Variants in PDLIM5 observed in about 807,000 individuals in gnomAD.
PDLIM5 encodes PDZ and LIM domain 5, also known as PDZ and LIM domain protein 5.
PDLIM5 carries 34 observed loss-of-function variants against 64.2 expected under a neutral mutation model. The observed-to-expected ratio is 0.53, with a 90% CI of 0.40 to 0.71. The LOEUF (loss-of-function observed/expected upper bound fraction) is 0.71. PDLIM5 is among the 30% of genes least tolerant of loss of function. PDLIM5 has a pLI of 0.00. For synonymous variants in PDLIM5, 253 were observed against 269.1 expected (o/e 0.94, Z 0.59); for missense variants, 683 against 733.6 (o/e 0.93, Z 0.80).
At chr4:94,657,747 C>T (rs1742321587) in intron 11 of PDLIM5, among the ~76,000 whole-genome samples, 200 bp downstream of exon 11, 1 of 151,890 alleles carries the variant, frequency 6.6e-6, no homozygotes, top group South Asian at 2.1e-4. Flanking sequence ...ACCCTTGTTG[C>T]CCAGACTGCA....
At chr4:94,609,782 A>G (rs1738217193) in intron 7 of PDLIM5, among the ~76,000 whole-genome samples, 1 of 152,128 alleles carries the variant, frequency 6.6e-6, no homozygotes, top group Admixed American at 6.5e-5. Flanking sequence ...GGAAAAAACA[A>G]TTTTCCTTCT....
At chr4:94,640,568 C>A in intron 9 of PDLIM5, 118 bp downstream of exon 9, 1 of 596,792 alleles carries the variant, frequency 1.7e-6, no homozygotes, top group South Asian at 2.4e-5. Flanking sequence ...TGCCATAATC[C>A]TATAGAGTAC....
intron 2 of PDLIM5, among the ~76,000 whole-genome samples, chr4:94,482,581 G>C (rs1286858805): frequency 6.6e-6 from 1 of 152,078 alleles, no homozygotes; most frequent in Admixed American, 6.6e-5. Flanking sequence ...CCTGGTAATT[G>C]TGGTATGGAT....
chr4:94,577,496 A>G (rs1735382422), intron 5 of PDLIM5: 2 of 357,818 alleles, frequency 5.6e-6, no homozygotes, highest in African/African-American at 4.3e-5. Flanking sequence ...GAGGAAAACT[A>G]GTATCCTTCA....
intron 2 of PDLIM5, among the ~76,000 whole-genome samples, chr4:94,479,062 G>A (rs923919462): frequency 6.0e-5 from 9 of 150,158 alleles, no homozygotes; most frequent in African/African-American, 2.2e-4. Flanking sequence ...ACCGGGGCTG[G>A]ATAATTTTTT....
intron 2 of PDLIM5, among the ~76,000 whole-genome samples, chr4:94,470,464 A>C (rs921602276): frequency 3.3e-5 from 5 of 152,324 alleles, no homozygotes; most frequent in African/African-American, 1.2e-4. Flanking sequence ...TGTTTATTCT[A>C]GGTCAGATCT....
intron 8 of PDLIM5, among the ~76,000 whole-genome samples, chr4:94,629,111 G>A (rs1344834803): frequency 2.0e-5 from 3 of 152,126 alleles, no homozygotes; most frequent in African/African-American, 4.8e-5. Flanking sequence ...AGCACTTTGG[G>A]AAGCCAAGGC....
chr4:94,618,314 G>A, intron 8 of PDLIM5, 123 bp downstream of exon 8: 1 of 562,072 alleles, frequency 1.8e-6, no homozygotes. Flanking sequence ...GATTTAGAAA[G>A]GACTATCAGG....
chr4:94,485,447 A>G (rs1015150895), intron 2 of PDLIM5, among the ~76,000 whole-genome samples: 1 of 152,170 alleles, frequency 6.6e-6, no homozygotes, highest in African/African-American at 2.4e-5. Context: ...TATTTCACAC[A>G]CTGCATGGCC....
intron 2 of PDLIM5, among the ~76,000 whole-genome samples, chr4:94,513,400 A>G (rs947701949): frequency 2.0e-5 from 3 of 152,084 alleles, no homozygotes; most frequent in Non-Finnish European, 4.4e-5. Flanking sequence ...GTCCTCTTCC[A>G]TTTCTTTCAT....
chr4:94,657,536 A>T lies in PDLIM5; in HGVS notation c.1574A>T (p.Tyr525Phe). 6.2e-7 allele frequency: 1 copy of T among 1,610,938 alleles called. No homozygotes were observed. The highest frequency in any genetic ancestry group is 1.1e-5 in the South Asian group (1 of 90,924). ...NVFHLEDGEP[Y>F]CETDYYALFG... ...TTTCACTTGGAGGATGGTGAACCCT[A>T]CTGTGAGACTGGTAAGATCAGGGAG... The change falls in exon 11 of 13, where the codon TAC becomes TTC. Residue 525 changes from tyrosine (Y) to phenylalanine (F), a missense_variant. Physicochemically the swap from Tyr to Phe is conservative, Grantham distance 22. Coordinates refer to ENST00000317968, the MANE Select transcript of PDLIM5 (RefSeq NM_006457.5).
intron 9 of PDLIM5, among the ~76,000 whole-genome samples, chr4:94,650,617 A>C (rs1741768835): frequency 6.6e-6 from 1 of 152,170 alleles, no homozygotes; most frequent in Non-Finnish European, 1.5e-5. Flanking sequence ...TATATGAAAA[A>C]GTTAATTTCT....
intron 9 of PDLIM5, among the ~76,000 whole-genome samples, chr4:94,642,201 G>A (rs984294702): frequency 6.6e-6 from 1 of 152,146 alleles, no homozygotes; most frequent in Non-Finnish European, 1.5e-5. Context: ...TGTGGAGACA[G>A]GAGTCACTGC....
intron 9 of PDLIM5, among the ~76,000 whole-genome samples, chr4:94,648,741 G>T (rs1560764625): frequency 6.6e-6 from 1 of 152,178 alleles, no homozygotes; most frequent in East Asian, 1.9e-4. Flanking sequence ...CACGCAGGTT[G>T]TTGGGCAAAT....
At chr4:94,538,629 A>T (rs1426704500) in intron 3 of PDLIM5, among the ~76,000 whole-genome samples, 1 of 152,216 alleles carries the variant, frequency 6.6e-6, no homozygotes, top group Non-Finnish European at 1.5e-5. Flanking sequence ...TTATGCTGAG[A>T]TTGGGAAATT....
chr4:94,578,448 C>G (rs1469024550), intron 5 of PDLIM5, among the ~76,000 whole-genome samples: 1 of 152,104 alleles, frequency 6.6e-6, no homozygotes, highest in East Asian at 1.9e-4. Context: ...TTTGCATTTG[C>G]AAACTGGGTG....
At chr4:94,576,234 T>C (rs531711251) in intron 5 of PDLIM5, among the ~76,000 whole-genome samples, 200 bp downstream of exon 5, 1 of 152,176 alleles carries the variant, frequency 6.6e-6, no homozygotes, top group Non-Finnish European at 1.5e-5. Context: ...AAAAGCTACT[T>C]GTGCATTTTG....
At chr4:94,594,329 C>G (rs1330721507) in intron 7 of PDLIM5, among the ~76,000 whole-genome samples, 1 of 151,826 alleles carries the variant, frequency 6.6e-6, no homozygotes, top group Non-Finnish European at 1.5e-5. Flanking sequence ...CATGGTGATT[C>G]CCATGAGGAG....
intron 7 of PDLIM5, among the ~76,000 whole-genome samples, chr4:94,617,107 G>A (rs1418747016): frequency 6.6e-6 from 1 of 152,058 alleles, no homozygotes; most frequent in African/African-American, 2.4e-5. Context: ...TTTAAGAATT[G>A]TTATTATACT....
Sources: gnomAD v4.1 joint callset for allele counts (sites outside exome capture counted in the v4.1 genomes callset) on GRCh38, gnomAD v4.1.1 for gene constraint, MANE v1.5 for transcripts, NCBI Gene and HGNC (gene_info 2026-07-23, HGNC 2026-07-21) for gene names.